The following FMN2 variants were observed in gnomAD, a reference collection of about 807,000 sequenced individuals.
FMN2 encodes formin-2.
A neutral mutation model predicts 142.3 loss-of-function variants in FMN2; 51 were observed. That is an observed-to-expected ratio of 0.36 (90% CI 0.29 to 0.45). FMN2 has a LOEUF of 0.45. Ranked by LOEUF, FMN2 falls within the 20% of genes least tolerant of loss-of-function variation. The probability of loss-of-function intolerance (pLI) is 1.00; values close to 1 mark genes in which losing one functional copy is unlikely to be tolerated. For synonymous variants in FMN2, 882 were observed against 869.8 expected (o/e 1.01, Z -0.25); for missense variants, 1,936 against 2,122.8 (o/e 0.91, Z 1.73).
chr1:240,289,692 TA>T (rs933714948), intron 7 of FMN2, among the ~76,000 whole-genome samples: 1 of 151,448 alleles, frequency 6.6e-6, no homozygotes, highest in East Asian at 1.9e-4. Flanking sequence ...TGTCTCTCTC[TA>T]AAAAAAAGGG....
At chr1:240,242,087 C>T (rs991726013) in intron 6 of FMN2, among the ~76,000 whole-genome samples, 201 of 152,136 alleles carry the variant, frequency 1.3e-3, no homozygotes, top group Middle Eastern at 3.4e-3. Context: ...CCTCGTGATC[C>T]GCCTGCCTCG....
intron 15 of FMN2, among the ~76,000 whole-genome samples, chr1:240,421,705 C>T (rs542520617): frequency 1.3e-5 from 2 of 152,192 alleles, no homozygotes; most frequent in East Asian, 3.9e-4. Flanking sequence ...AGTTTATTTC[C>T]TTGTTTGTTT....
intron 14 of FMN2, among the ~76,000 whole-genome samples, chr1:240,360,671 C>G (rs570729850): frequency 6.6e-6 from 1 of 152,070 alleles, no homozygotes; most frequent in African/African-American, 2.4e-5. Context: ...AGAGAGTTTA[C>G]GTATGTTTAT....
intron 8 of FMN2, among the ~76,000 whole-genome samples, chr1:240,301,115 C>A (rs551709988): frequency 6.6e-6 from 1 of 150,914 alleles, no homozygotes; most frequent in South Asian, 2.1e-4. Flanking sequence ...ATTCTTCTTT[C>A]CTACCTTATT....
Position 240,169,130 on chromosome 1 carries a change from G to A in FMN2, c.1783-8791G>A, listed in dbSNP as rs112675746. On this transcript the variant is annotated intron_variant, in intron 2 of 17. Coordinates refer to ENST00000319653, the MANE Select transcript of FMN2 (RefSeq NM_020066.5). ...GGAGGCTGAGGCAGGAGAATCGCTT[G>A]AACCCGGGATGCAGAGACTCCATCT... 2.6e-5 allele frequency among the ~76,000 whole-genome samples: 4 copies of A among 152,316 alleles called. No individual in the cohort carries two copies. The East Asian group carries it at 5.8e-4, about 22-fold the overall frequency.
At chr1:240,184,383 C>T (rs1462455494) in intron 3 of FMN2, among the ~76,000 whole-genome samples, 2 of 151,388 alleles carry the variant, frequency 1.3e-5, no homozygotes, top group African/African-American at 4.9e-5. Context: ...ACTGCAGGTG[C>T]CCACCACCAG....
In FMN2 at chr1:240,339,529, A is replaced by T. The variant is rs183105903; in HGVS notation, c.4765+5300A>T. The stretch of plus-strand genomic sequence containing the variant: ...GTTTTATGATTTTTAAAAAAAATTT[A>T]AAAAAAATTTATTGAGGTAAAATAT... On this transcript the variant is annotated intron_variant, in intron 13 of 17. Coordinates refer to ENST00000319653, the MANE Select transcript of FMN2 (RefSeq NM_020066.5). Among the ~76,000 whole-genome samples, 579 of 151,378 alleles carry T rather than the reference A, an allele frequency of 3.8e-3. 3 individuals are homozygous for T. Among genetic ancestry groups the T allele is most frequent in the African/African-American group, 0.013 (528 of 40,844 alleles).
chr1:240,194,939 A>C (rs1272172172), intron 4 of FMN2, among the ~76,000 whole-genome samples: 2 of 93,798 alleles, frequency 2.1e-5, no homozygotes, highest in Non-Finnish European at 4.6e-5. Context: ...AAGAATTCCT[A>C]TCTCTACATT....
At chr1:240,364,670 C>T (rs1464017005) in intron 14 of FMN2, among the ~76,000 whole-genome samples, 2 of 152,134 alleles carry the variant, frequency 1.3e-5, no homozygotes, top group African/African-American at 2.4e-5. Context: ...GACAGGGAAT[C>T]GATTCCATAT....
At chr1:240,278,608 GCTT>G (rs1287289167) in intron 7 of FMN2, among the ~76,000 whole-genome samples, 3 of 152,086 alleles carry the variant, frequency 2.0e-5, no homozygotes, top group South Asian at 2.1e-4. Context: ...ATAGGAAATT[GCTT>G]CTTCTTTAAC....
intron 14 of FMN2, among the ~76,000 whole-genome samples, chr1:240,358,479 C>A: frequency 6.6e-6 from 1 of 152,116 alleles, no homozygotes; most frequent in African/African-American, 2.4e-5. Flanking sequence ...TTTCACACTG[C>A]TATAAAGAAT....
Position 240,253,262 on chromosome 1 carries a change from C to A in FMN2, c.4066-4683C>A, listed in dbSNP as rs139589845. On this transcript the variant is annotated intron_variant, in intron 6 of 17. Transcript: ENST00000319653. ...AGGATTACAGACGTGAGACACTACG[C>A]CTGGCCTGTTCATTCATTTTTATTC... Among the ~76,000 whole-genome samples the A allele has an allele frequency of 3.0e-3, 431 of 141,422 alleles. 11 individuals carry two copies. The East Asian group carries it at 0.083, about 27-fold the overall frequency. 92.8% of individuals were successfully genotyped at this position (141,422 alleles called of 152,430 possible).
intron 2 of FMN2, among the ~76,000 whole-genome samples, chr1:240,148,313 CAGACAGAAACAG>C (rs1558321162): frequency 1.5e-4 from 22 of 147,722 alleles, no homozygotes; most frequent in African/African-American, 4.7e-4. Context: ...GAGAGAGAGA[CAGACAGAAACAG>C]AGAGACAGAC....
chr1:240,185,174 T>TGCCCCTTCTCTTTCTCCCTCCTATACC, intron 3 of FMN2, among the ~76,000 whole-genome samples: 1 of 87,660 alleles, frequency 1.1e-5, no homozygotes, highest in African/African-American at 5.3e-5. Flanking sequence ...CTCCTACACC[T>TGCCCCTTCTCTTTCTCCCTCCTATACC]TTCCCCTTCT....
intron 3 of FMN2, among the ~76,000 whole-genome samples, chr1:240,185,697 G>C (rs545075414): frequency 6.6e-6 from 1 of 152,192 alleles, no homozygotes. Context: ...AGCATTTTAT[G>C]CATTTCTAAT....
At chr1:240,126,150 G>A (rs1450052653) in intron 2 of FMN2, among the ~76,000 whole-genome samples, 1 of 152,194 alleles carries the variant, frequency 6.6e-6, no homozygotes, top group East Asian at 1.9e-4. Flanking sequence ...ACGATATAAT[G>A]ATACAGGGGG....
intron 1 of FMN2, 99 bp downstream of exon 1, chr1:240,093,823 C>A: frequency 1.3e-6 from 1 of 791,052 alleles, no homozygotes; most frequent in Non-Finnish European, 1.7e-6. Flanking sequence ...AGGCGGTGAC[C>A]TGGTAGTGGC....
chr1:240,213,648 C>G (rs549091782), intron 6 of FMN2, among the ~76,000 whole-genome samples: 1 of 152,288 alleles, frequency 6.6e-6, no homozygotes, highest in East Asian at 1.9e-4. Flanking sequence ...TGATTCATTT[C>G]CAGTAAAATT....
At chr1:240,398,843 G>A (rs1335392528) in intron 15 of FMN2, among the ~76,000 whole-genome samples, 3 of 151,874 alleles carry the variant, frequency 2.0e-5, no homozygotes, top group African/African-American at 2.4e-5. Flanking sequence ...AGTCCCAAGT[G>A]ATCAATAGAT....
Sources: allele counts gnomAD v4.1 joint callset (sites outside exome capture counted in the v4.1 genomes callset), GRCh38; gene constraint gnomAD v4.1.1; transcripts MANE v1.5; gene names NCBI Gene and HGNC (gene_info 2026-07-23, HGNC 2026-07-21).